The following CRMP1 variants were observed in gnomAD, a reference collection of about 807,000 sequenced individuals.
CRMP1 encodes the protein collapsin response mediator protein 1, also known as dihydropyrimidinase-related protein 1.
In CRMP1, 19 loss-of-function variants were observed where a neutral mutation model predicts 68.3. The ratio of observed to expected loss-of-function variants is 0.28; its 90% CI spans 0.19 to 0.41. The LOEUF is 0.41. Ranked by LOEUF, CRMP1 falls within the 10% of genes least tolerant of loss-of-function variation. The pLI, the probability that CRMP1 is intolerant of heterozygous loss-of-function variation, is 1.00. For synonymous variants in CRMP1, 439 were observed against 399.6 expected, an observed-to-expected ratio of 1.10 and a Z score of -1.18; for missense variants, 791 against 967.4, an observed-to-expected ratio of 0.82 and a Z score of 2.42.
At chr4:5,823,490 G>A (rs181184378) in intron 13 of CRMP1, among the ~76,000 whole-genome samples, 2 of 152,216 alleles carry the variant, frequency 1.3e-5, no homozygotes, top group Admixed American at 6.5e-5. Flanking sequence ...CCAAAACTTC[G>A]TGTTGAAATT....
chr4:5,887,939 G>C, intron 1 of CRMP1: 1 of 594,046 alleles, frequency 1.7e-6, no homozygotes, highest in Non-Finnish European at 2.4e-6. Context: ...CATCCTCCCT[G>C]TCCACGCCAT....
chr4:5,822,619 C>G (rs1252793390), intron 13 of CRMP1, among the ~76,000 whole-genome samples: 3 of 151,872 alleles, frequency 2.0e-5, no homozygotes, highest in African/African-American at 7.3e-5. Context: ...GCCTGGAGCT[C>G]AACAAATATT....
intron 11 of CRMP1, among the ~76,000 whole-genome samples, chr4:5,829,014 G>A (rs886126387): frequency 4.0e-5 from 6 of 151,282 alleles, no homozygotes; most frequent in Admixed American, 3.9e-4. Flanking sequence ...TACTTAAAAT[G>A]TGTCTTTAAA....
chr4:5,822,835 G>A lies in CRMP1; in HGVS notation c.1970-984C>T, dbSNP rs113830215. ...CCAGATCCTCAGCTAACAGAAAAAC[G>A]TAAGTAAGTTAGCTCACTGCAACCA... On this transcript the variant is annotated intron_variant, in intron 13 of 13. Transcript: ENST00000324989. Among the ~76,000 whole-genome samples the A allele has an allele frequency of 6.8e-3, 1,040 of 152,250 alleles. 8 individuals are homozygous for A. The highest frequency in any genetic ancestry group is 0.024 in the African/African-American group (987 of 41,534).
chr4:5,849,921 C>G (rs1475603422), intron 5 of CRMP1, among the ~76,000 whole-genome samples: 2 of 152,232 alleles, frequency 1.3e-5, no homozygotes, highest in African/African-American at 4.8e-5. Context: ...TGTGTGCATC[C>G]TTACAAAAAT....
chr4:5,853,873 T>TA lies in CRMP1; in HGVS notation c.820+2269dup, dbSNP rs1279322621. Reference sequence around the variant, plus strand: ...CAGCATCTCACTTATATGTGGAATCTAAAAAGTTGATTTCATAGAAGCATA... The same window carrying TA: ...CAGCATCTCACTTATATGTGGAATCTAAAAAAGTTGATTTCATAGAAGCATA... On this transcript the variant is annotated intron_variant, in intron 4 of 13. Coordinates refer to ENST00000324989, the MANE Select transcript of CRMP1 (RefSeq NM_001014809.3). The surrounding 1 kb of genome is among the most constrained non-coding windows in gnomAD (Gnocchi z 4.7). Among the ~76,000 whole-genome samples the TA allele has an allele frequency of 6.6e-6, 1 of 152,246 alleles. No homozygotes were observed. Among genetic ancestry groups the TA allele is most frequent in the Non-Finnish European group, 1.5e-5 (1 of 68,042 alleles).
chr4:5,828,633 G>A lies in CRMP1; in HGVS notation c.1659C>T (p.Cys553=). ...TGATGACCACTAGTGGGGAGCCGTG[G>A]CACTCCATACCCTCGAAGATGTTGT... ...VEYNIFEGME[C]HGSPLVVISQ... is the part of the protein sequence containing the mutation. The change falls in exon 12 of 14, where the codon TGC becomes TGT. Residue 553 remains cysteine, a synonymous_variant. Coordinates refer to ENST00000324989, the MANE Select transcript of CRMP1 (RefSeq NM_001014809.3). The A allele has an allele frequency of 6.2e-7, 1 of 1,614,168 alleles. No homozygotes were observed. Among genetic ancestry groups the A allele is most frequent in the East Asian group, 2.2e-5 (1 of 44,880 alleles).
intron 6 of CRMP1, among the ~76,000 whole-genome samples, chr4:5,848,750 G>A (rs1712408819): frequency 6.6e-6 from 1 of 152,162 alleles, no homozygotes; most frequent in Non-Finnish European, 1.5e-5. Flanking sequence ...CATCTGGTGA[G>A]GGCCTTCTTG....
intron 11 of CRMP1, among the ~76,000 whole-genome samples, chr4:5,830,806 G>A (rs1720319541): frequency 6.6e-6 from 1 of 152,094 alleles, no homozygotes; most frequent in East Asian, 1.9e-4. Context: ...TCTCATCTGG[G>A]AACTCTGCTT....
intron 3 of CRMP1, among the ~76,000 whole-genome samples, chr4:5,856,650 C>T (rs1178503716): frequency 6.6e-6 from 1 of 151,394 alleles, no homozygotes; most frequent in Non-Finnish European, 1.5e-5. Context: ...ATCAACCCAT[C>T]ACCATGACCA....
chr4:5,850,689 G>GCCC lies in CRMP1; in HGVS notation c.882+716_882+718dup, dbSNP rs1288503717. Among the ~76,000 whole-genome samples, 1 of 152,192 alleles carries GCCC rather than the reference G, an allele frequency of 6.6e-6. No homozygotes were observed. The highest frequency in any genetic ancestry group is 1.9e-4 in the East Asian group (1 of 5,182). ...AAAGCACAGAGAAGTTGGGAAAGCT[G>GCCC]CCCCTGGCTGCAGAGCAAGCACCTG... On this transcript the variant is annotated intron_variant, in intron 5 of 13. Coordinates refer to ENST00000324989, the MANE Select transcript of CRMP1 (RefSeq NM_001014809.3). The surrounding 1 kb of genome is among the most constrained non-coding windows in gnomAD (Gnocchi z 4.4).
intron 2 of CRMP1, among the ~76,000 whole-genome samples, chr4:5,864,745 A>G (rs1439414134): frequency 6.6e-6 from 1 of 152,162 alleles, no homozygotes; most frequent in African/African-American, 2.4e-5. Context: ...AGGACAAATA[A>G]GAGATGAGGG....
Position 5,892,880 on chromosome 4 carries a change from C to G in CRMP1, c.90G>C (p.Gln30His), listed in dbSNP as rs1716017606. Residue 30 changes from glutamine to histidine, a missense_variant, in exon 1 of 14, where the codon CAG becomes CAC. Physicochemically the swap from Gln to His is conservative, Grantham distance 24. Around this residue, in one of 3 missense-constraint regions of CRMP1, gnomAD observed 193 missense variants for 186.3 expected, o/e 1.04. Coordinates refer to ENST00000324989, the MANE Select transcript of CRMP1 (RefSeq NM_001014809.3). The surrounding 1 kb of genome is among the most constrained non-coding windows in gnomAD (Gnocchi z 8.6). ...RPGSAAQTPR[Q>H]KYGGMFAAVE... ...CCGCGGCGAACATGCCGCCGTACTT[C>G]TGGCGCGGGGTCTGCGCCGCGCTGC... 4 of 1,413,980 alleles carry G rather than the reference C, an allele frequency of 2.8e-6. No homozygotes were observed. Among genetic ancestry groups the G allele is most frequent in the African/African-American group, 1.5e-5 (1 of 66,276 alleles). 87.6% of individuals were successfully genotyped at this position (1,413,980 alleles called of 1,614,324 possible).
chr4:5,849,268 C>A (rs1470761811), intron 6 of CRMP1, 124 bp downstream of exon 6: 6 of 738,390 alleles, frequency 8.1e-6, no homozygotes, highest in African/African-American at 1.8e-5. Context: ...TCTGATATGA[C>A]ACCCAGTTCC....
intron 1 of CRMP1, among the ~76,000 whole-genome samples, chr4:5,884,275 G>A (rs1019147632): frequency 6.6e-6 from 1 of 152,158 alleles, no homozygotes; most frequent in African/African-American, 2.4e-5. Context: ...AAGCATAATA[G>A]GCCTCACACA....
chr4:5,827,644 G>A (rs761210851), intron 12 of CRMP1, among the ~76,000 whole-genome samples: 3 of 151,452 alleles, frequency 2.0e-5, no homozygotes, highest in East Asian at 1.9e-4. Flanking sequence ...TCCAACACAC[G>A]CACACACATC....
chr4:5,888,127 G>A lies in CRMP1; in HGVS notation c.381+4462C>T, dbSNP rs1003673881. The A allele has an allele frequency of 2.4e-4, 289 of 1,210,582 alleles. No homozygotes were observed. The highest frequency in any genetic ancestry group is 2.8e-4 in the Non-Finnish European group (270 of 970,572). The allele number at this position is 1,210,582 out of a possible 1,614,324, so 75.0% of individuals were successfully genotyped here. On this transcript the variant is annotated intron_variant, in intron 1 of 13. Transcript: ENST00000324989. This position sits in a 1 kb window ranked among gnomAD's most constrained non-coding sequence, Gnocchi z 6.4. Reference sequence around the variant, plus strand: ...ACCCGCGGCGACGCAGGAGGCCTCGGGGGGCGCCCCTGCCGGCGCCCCGTG... The same window carrying A: ...ACCCGCGGCGACGCAGGAGGCCTCGAGGGGCGCCCCTGCCGGCGCCCCGTG...
chr4:5,833,719 A>G (rs1442510286), intron 11 of CRMP1, among the ~76,000 whole-genome samples: 1 of 152,172 alleles, frequency 6.6e-6, no homozygotes, highest in Non-Finnish European at 1.5e-5. Flanking sequence ...ACTCCTGAGC[A>G]TGGAATCTGG....
chr4:5,876,750 C>T (rs146032937), intron 1 of CRMP1, among the ~76,000 whole-genome samples: 1 of 151,684 alleles, frequency 6.6e-6, no homozygotes, highest in African/African-American at 2.4e-5. Flanking sequence ...CCACCACCCC[C>T]CTTCTGAAAA....
Sources: allele counts gnomAD v4.1 joint callset (sites outside exome capture counted in the v4.1 genomes callset), GRCh38; gene constraint gnomAD v4.1.1; regional missense constraint gnomAD v4.1.1; non-coding constraint Gnocchi (gnomAD v3.1); transcripts MANE v1.5; gene names NCBI Gene and HGNC (gene_info 2026-07-23, HGNC 2026-07-21).